CGNL1: variants seen among roughly 807,000 people sequenced by gnomAD.
CGNL1 encodes cingulin like 1, also known as cingulin-like protein 1.
In CGNL1, 132 loss-of-function variants were observed where a neutral mutation model predicts 141.2. The ratio of observed to expected loss-of-function variants is 0.93; its 90% CI spans 0.81 to 1.08. CGNL1 has a LOEUF of 1.08. Among genes scored for constraint, CGNL1 ranks in the 50% least tolerant of loss-of-function variants. The pLI, the probability that CGNL1 is intolerant of heterozygous loss-of-function variation, is 0.00. For missense variants in CGNL1, 1,870 were observed against 1,588.6 expected (o/e 1.18, Z -3.01); for synonymous variants, 690 against 622.1 (o/e 1.11, Z -1.63).
At chr15:57,382,884 T>G (rs1192385166) in intron 1 of CGNL1, among the ~76,000 whole-genome samples, 1 of 152,196 alleles carries the variant, frequency 6.6e-6, no homozygotes, top group Non-Finnish European at 1.5e-5. Context: ...ATGGGGCTCT[T>G]TTGACTTGAT....
intron 1 of CGNL1, among the ~76,000 whole-genome samples, chr15:57,425,859 T>C (rs1301938910): frequency 6.6e-6 from 1 of 152,098 alleles, no homozygotes; most frequent in African/African-American, 2.4e-5. Context: ...CAATTTTGGA[T>C]TACCAGTCTA....
intron 8 of CGNL1, among the ~76,000 whole-genome samples, chr15:57,512,782 A>G (rs2152401731): frequency 6.6e-6 from 1 of 152,268 alleles, no homozygotes; most frequent in African/African-American, 2.4e-5. Flanking sequence ...GGTGCTGACC[A>G]CACATCTAAG....
chr15:57,388,589 G>A (rs1489241893), intron 1 of CGNL1, among the ~76,000 whole-genome samples: 2 of 152,196 alleles, frequency 1.3e-5, no homozygotes, highest in East Asian at 3.8e-4. Flanking sequence ...CTTCACTTTG[G>A]TGAGTTTCTG....
intron 1 of CGNL1, among the ~76,000 whole-genome samples, chr15:57,421,694 A>G (rs1176829836): frequency 1.3e-5 from 2 of 152,088 alleles, no homozygotes; most frequent in African/African-American, 4.8e-5. Flanking sequence ...CTGAGAAGGA[A>G]GTAGAGAATG....
chr15:57,402,843 C>G (rs2062675038), intron 1 of CGNL1: 1 of 152,188 alleles, frequency 6.6e-6, no homozygotes, highest in Admixed American at 6.5e-5. Flanking sequence ...TTTTTGCCAT[C>G]TCACCCCCCA....
intron 8 of CGNL1, among the ~76,000 whole-genome samples, chr15:57,467,135 C>G (rs984114352): frequency 2.0e-5 from 3 of 152,136 alleles, no homozygotes; most frequent in Non-Finnish European, 4.4e-5. Context: ...GTGCTAAGTT[C>G]GTGAGGACTA....
intron 10 of CGNL1, among the ~76,000 whole-genome samples, chr15:57,519,749 T>A (rs1377926461): frequency 6.6e-6 from 1 of 152,166 alleles, no homozygotes; most frequent in East Asian, 1.9e-4. Context: ...TTTAAATTTG[T>A]GAGCTGGTTG....
At chr15:57,534,759 A>G (rs891724271) in intron 14 of CGNL1, among the ~76,000 whole-genome samples, 1 of 152,258 alleles carries the variant, frequency 6.6e-6, no homozygotes, top group Non-Finnish European at 1.5e-5. Context: ...GGTGCTTGTT[A>G]TCTTGAACCC....
intron 1 of CGNL1, among the ~76,000 whole-genome samples, chr15:57,417,604 G>T: frequency 1.1e-5 from 1 of 94,572 alleles, no homozygotes; most frequent in African/African-American, 3.7e-5. Flanking sequence ...AATTGAAATA[G>T]TGCTTTTTTT....
chr15:57,434,488 A>T (rs2063081224), intron 1 of CGNL1, among the ~76,000 whole-genome samples: 1 of 152,188 alleles, frequency 6.6e-6, no homozygotes, highest in Non-Finnish European at 1.5e-5. Context: ...AACTAAAGAC[A>T]TGAATTTCCA....
At chr15:57,396,348 C>G (rs1351491596) in intron 1 of CGNL1, among the ~76,000 whole-genome samples, 3 of 149,992 alleles carry the variant, frequency 2.0e-5, no homozygotes, top group African/African-American at 7.4e-5. Flanking sequence ...GATCTCAGCT[C>G]ACTGCAACCT....
rs767165294 is a variant in CGNL1 at position 57,452,170 on chromosome 15, G to A, written c.1935G>A (p.Glu645=). The change falls in exon 6 of 19, where the codon GAG becomes GAA. Residue 645 remains glutamate, a synonymous_variant. Transcript: ENST00000281282. The part of the protein sequence containing the change: ...KNQQNIKEER[E]RMRANLEELR... ...AACAGAACATTAAAGAAGAGAGAGA[G>A]AGGATGAGAGCAAACCTAGAAGAGC... 1 of 1,613,800 alleles carries A rather than the reference G, an allele frequency of 6.2e-7. No homozygotes were observed. Among genetic ancestry groups the A allele is most frequent in the Non-Finnish European group, 8.5e-7 (1 of 1,179,880 alleles).
intron 8 of CGNL1, among the ~76,000 whole-genome samples, chr15:57,499,127 G>C (rs193140305): frequency 5.9e-5 from 9 of 151,956 alleles, no homozygotes; most frequent in Admixed American, 4.6e-4. Context: ...GGGTCTTGCT[G>C]TTGCCCAGGA....
At chr15:57,389,205 A>G (rs2062516290) in intron 1 of CGNL1, among the ~76,000 whole-genome samples, 1 of 152,214 alleles carries the variant, frequency 6.6e-6, no homozygotes, top group Non-Finnish European at 1.5e-5. Context: ...TGCTCAGGAA[A>G]TAAATGAAGA....
chr15:57,546,790 A>C (rs1399505778), intron 18 of CGNL1, among the ~76,000 whole-genome samples: 1 of 152,082 alleles, frequency 6.6e-6, no homozygotes, highest in Non-Finnish European at 1.5e-5. Context: ...TCATGAGATT[A>C]GGTTCATGGT....
chr15:57,509,625 A>G (rs1595779575), intron 8 of CGNL1, among the ~76,000 whole-genome samples: 1 of 152,294 alleles, frequency 6.6e-6, no homozygotes, highest in East Asian at 1.9e-4. Flanking sequence ...CAGTGTGAAC[A>G]CTTCTAAATG....
At chr15:57,516,158 C>CAAAA (rs10559176) in intron 8 of CGNL1, among the ~76,000 whole-genome samples, 79 of 73,120 alleles carry the variant, frequency 1.1e-3, no homozygotes, top group Non-Finnish European at 1.2e-3. Flanking sequence ...GACTCTGTCT[C>CAAAA]AAAAAAAAAA....
rs778369167 is a variant in CGNL1 at position 57,461,761 on chromosome 15, C to T, written c.2272C>T (p.Arg758Cys). Residue 758 changes from arginine to cysteine, a missense_variant, in exon 8 of 19, where the codon CGT (arginine) becomes TGT (cysteine). Coordinates refer to ENST00000281282, the MANE Select transcript of CGNL1 (RefSeq NM_032866.5). ...EQEDLLRKRE[R>C]ELTALKGALK... The stretch of plus-strand genomic sequence containing the variant: ...AGAAGACCTCTTGAGAAAGCGAGAG[C>T]GTGAACTCACCGCCCTGAAGGGAGC... 2.5e-6 allele frequency: 4 copies of T among 1,613,986 alleles called. No individual in the cohort carries two copies. The highest frequency in any genetic ancestry group is 1.6e-4 in the Middle Eastern group (1 of 6,084).
At chr15:57,485,598 C>T (rs965524255) in intron 8 of CGNL1, among the ~76,000 whole-genome samples, 5 of 152,096 alleles carry the variant, frequency 3.3e-5, no homozygotes, top group Admixed American at 1.3e-4. Flanking sequence ...TAGTATTTGC[C>T]ACAGAGGCTT....
Sources: gnomAD v4.1 joint callset for allele counts (sites outside exome capture counted in the v4.1 genomes callset) on GRCh38, gnomAD v4.1.1 for gene constraint, MANE v1.5 for transcripts, NCBI Gene and HGNC (gene_info 2026-07-23, HGNC 2026-07-21) for gene names.